The following ENG variants were observed in gnomAD, a reference collection of about 807,000 sequenced individuals.
The protein encoded by ENG is CD105 antigen.
In ENG, 17 loss-of-function variants were observed where a neutral mutation model predicts 71.0. That is an observed-to-expected ratio of 0.24 (90% confidence interval 0.16 to 0.36). ENG has a LOEUF of 0.36. ENG is among the 10% of genes least tolerant of loss of function. The probability of loss-of-function intolerance (pLI) is 1.00; values close to 1 mark genes in which losing one functional copy is unlikely to be tolerated. For synonymous variants in ENG, 360 were observed against 366.9 expected (o/e 0.98, Z 0.21); for missense variants, 749 against 868.3 (o/e 0.86, Z 1.73).
In ENG at chr9:127,816,028, C is replaced by T. The variant is rs1229836022; in HGVS notation, c.1767G>A (p.Leu589=). The change falls in exon 14 of 15, where the codon CTG becomes CTA. Residue 589 remains leucine (L), a synonymous_variant. Coordinates refer to ENST00000373203, the MANE Select transcript of ENG (RefSeq NM_001114753.3). ...CAAAGGTGATGCCCAGCACGGCGGG[C>T]AGGACGAGGCCTTTGCTTGTGCAAC... ...LSGCTSKGLV[L]PAVLGITFGA... is the part of the protein sequence containing the mutation. 1.9e-6 allele frequency: 3 copies of T among 1,610,496 alleles called. No individual in the cohort carries two copies. Among genetic ancestry groups the T allele is most frequent in the Non-Finnish European group, 2.5e-6 (3 of 1,179,112 alleles).
chr9:127,820,076 G>C (rs374381711), intron 8 of ENG, 39 bp from the exon 9 acceptor site: 5 of 1,605,630 alleles, frequency 3.1e-6, no homozygotes, highest in Non-Finnish European at 3.4e-6. Context: ...GAGGCACTGG[G>C]GTCTCTGTGG....
rs2131889233 is a variant in ENG at position 127,825,778 on chromosome 9, G to A, written c.606C>T (p.Ala202=). Reference sequence around the variant, plus strand: ...CTTCCAAGTGGCAGCCCCGGACCAAGGCTGGAGTACGCGGCCGCCACTCGA... The same window carrying A: ...CTTCCAAGTGGCAGCCCCGGACCAAAGCTGGAGTACGCGGCCGCCACTCGA... ...RTLEWRPRTP[A]LVRGCHLEGV... The change falls in exon 5 of 15, where the codon GCC becomes GCT. Residue 202 remains alanine (A), a synonymous_variant. Transcript: ENST00000373203. 1.9e-6 allele frequency: 3 copies of A among 1,597,874 alleles called. No individual in the cohort carries two copies. The highest frequency in any genetic ancestry group is 2.6e-6 in the Non-Finnish European group (3 of 1,173,734).
chr9:127,824,415 G>A lies in ENG; in HGVS notation c.1023C>T (p.Ile341=), dbSNP rs909339898. ...AAGTGTCCTTGGGAGGAGTGGTCTG[G>A]ATCGGTGCGGGTGAGGTCTGCAGCC... ...GGRLQTSPAP[I]QTTPPKDTCS... Residue 341 remains isoleucine, a synonymous_variant, in exon 8 of 15, where the codon ATC becomes ATT. Transcript: ENST00000373203. The A allele has an allele frequency of 1.2e-6, 2 of 1,613,992 alleles. No homozygotes were observed. The highest frequency in any genetic ancestry group is 1.7e-5 in the Admixed American group (1 of 59,994).
chr9:127,830,030 C>G (rs1406127052), intron 2 of ENG, among the ~76,000 whole-genome samples: 1 of 151,932 alleles, frequency 6.6e-6, no homozygotes, highest in Non-Finnish European at 1.5e-5. Flanking sequence ...GGAGGTAAGC[C>G]CGGCAAATCT....
Position 127,844,548 on chromosome 9 carries a change from G to A in ENG, c.68-1303C>T, listed in dbSNP as rs548852874. On this transcript the variant is annotated intron_variant, in intron 1 of 14. Transcript: ENST00000373203. ...AGGCTCAAGTGATCCTCCCACCTCG[G>A]CCTCCTGAGTAGCTGGAACTATAGG... is the stretch of plus-strand genomic sequence containing the variant. Among the ~76,000 whole-genome samples the A allele has an allele frequency of 3.9e-5, 6 of 152,070 alleles. No homozygotes were observed. In the South Asian group the frequency reaches 1.2e-3, roughly 32 times the overall value.
In ENG at chr9:127,821,903, A is replaced by G. The variant is rs1236222975; in HGVS notation, c.1135-1866T>C. Reference sequence around the variant, plus strand: ...CTTAAAAAAAAAAAAAAAAAAAAAAAGCCAGGCGTGGTGGTGCACGCCTGT... The same window carrying G: ...CTTAAAAAAAAAAAAAAAAAAAAAAGGCCAGGCGTGGTGGTGCACGCCTGT... On this transcript the variant is annotated intron_variant, in intron 8 of 14. Coordinates refer to ENST00000373203, the MANE Select transcript of ENG (RefSeq NM_001114753.3). 3.9e-5 allele frequency among the ~76,000 whole-genome samples: 4 copies of G among 102,758 alleles called. No individual in the cohort carries two copies. The Admixed American group carries it at 3.9e-4, about 10-fold the overall frequency. The allele number at this position is 102,758 out of a possible 152,430, so 67.4% of individuals were successfully genotyped here. A position where few individuals can be genotyped will look rare whatever the true frequency, so the allele number is the denominator to read the frequency against.
At chr9:127,822,934 G>A (rs917393843) in intron 8 of ENG, among the ~76,000 whole-genome samples, 6 of 152,072 alleles carry the variant, frequency 3.9e-5, no homozygotes, top group Non-Finnish European at 7.4e-5. Flanking sequence ...TCCCTCTACC[G>A]GGTTCAAGCG....
At chr9:127,845,012 C>T (rs905315907) in intron 1 of ENG, among the ~76,000 whole-genome samples, 4 of 152,176 alleles carry the variant, frequency 2.6e-5, no homozygotes, top group Non-Finnish European at 5.9e-5. Flanking sequence ...CCTGACCCAG[C>T]AGGGTCGGAA....
In ENG at chr9:127,846,096, G is replaced by A. The variant is rs1439482226; in HGVS notation, c.68-2851C>T. 6.6e-6 allele frequency among the ~76,000 whole-genome samples: 1 copy of A among 152,168 alleles called. No individual in the cohort carries two copies. The highest frequency in any genetic ancestry group is 6.5e-5 in the Admixed American group (1 of 15,270). ...AATTGACTGTTCTAAGGGGTGGGGT[G>A]AAGTGGCGGGATGGGGTGGCCTCCA... On this transcript the variant is annotated intron_variant, in intron 1 of 14. Coordinates refer to ENST00000373203, the MANE Select transcript of ENG (RefSeq NM_001114753.3). This position sits in a 1 kb window ranked among gnomAD's most constrained non-coding sequence, Gnocchi z 5.5.
At chr9:127,821,713 T>TA (rs34600598) in intron 8 of ENG, among the ~76,000 whole-genome samples, 3,086 of 145,728 alleles carry the variant, frequency 0.021, 87 homozygotes, top group African/African-American at 0.062. Flanking sequence ...CCGTCTCTGC[T>TA]AAAAAAAAAA....
intron 13 of ENG, 104 bp downstream of exon 13, chr9:127,817,045 C>G: frequency 7.4e-7 from 1 of 1,358,962 alleles, no homozygotes; most frequent in Non-Finnish European, 1.0e-6. Flanking sequence ...TGGGGTCCCC[C>G]TTGCCATGTG....
chr9:127,824,512 C>A, intron 7 of ENG, 66 bp from the exon 8 acceptor site: 3 of 684,878 alleles, frequency 4.4e-6, no homozygotes, highest in Non-Finnish European at 5.8e-6. Flanking sequence ...CCGCACCAGG[C>A]TTTTTTTTTT....
chr9:127,834,245 G>A (rs1564459497), intron 2 of ENG, among the ~76,000 whole-genome samples: 1 of 151,146 alleles, frequency 6.6e-6, no homozygotes, highest in Non-Finnish European at 1.5e-5. Flanking sequence ...GCTAATTTTT[G>A]TATATATATA....
In ENG at chr9:127,854,603, G is replaced by A. The variant is rs1173948072; in HGVS notation, c.-248C>T. ...CGGGGAGGGGGTGCTGGGCTCCAAT[G>A]GATGGCAGTGACAGCAGCAGTCCTG... On this transcript the variant is annotated 5_prime_UTR_variant, in exon 1 of 15. Transcript: ENST00000373203. 1.8e-6 allele frequency: 1 copy of A among 563,892 alleles called. No homozygotes were observed. Among genetic ancestry groups the A allele is most frequent in the East Asian group, 3.0e-5 (1 of 33,030 alleles). The allele number at this position is 563,892 out of a possible 1,614,324, so 34.9% of individuals were successfully genotyped here. A position where few individuals can be genotyped will look rare whatever the true frequency, so the allele number is the denominator to read the frequency against.
rs1282461075 is a variant in ENG, at chr9:127,815,056, G to T, written c.*626C>A. 6 of 153,206 alleles carry T rather than the reference G, an allele frequency of 3.9e-5. No individual in the cohort carries two copies. In the East Asian group the frequency reaches 1.2e-3, roughly 29 times the overall value. 9.5% of individuals were successfully genotyped at this position (153,206 alleles called of 1,614,324 possible). A position where few individuals can be genotyped will look rare whatever the true frequency, so the allele number is the denominator to read the frequency against. ...ATTTATTGGTGGTGAATACACAGGG[G>T]CAGGCCCAGGACAAGCAGCTTGGCT... On this transcript the variant is annotated 3_prime_UTR_variant, in exon 15 of 15. Coordinates refer to ENST00000373203, the MANE Select transcript of ENG (RefSeq NM_001114753.3).
Position 127,818,390 on chromosome 9 carries a change from G to GGCA in ENG, c.1429-14_1429-13insTGC. The GGCA allele has an allele frequency of 1.2e-6, 2 of 1,612,650 alleles. No homozygotes were observed. The highest frequency in any genetic ancestry group is 1.7e-6 in the Non-Finnish European group (2 of 1,179,976). On this transcript the variant is annotated splice_polypyrimidine_tract_variant and intron_variant, in intron 11 of 14. Coordinates refer to ENST00000373203, the MANE Select transcript of ENG (RefSeq NM_001114753.3). ...GGGACACTCTGACCTGCATGGGTAG[G>GGCA]TAGGGCCACGCGGCATGGGCAGCTG...
At chr9:127,818,938 CTCTTT>C in intron 10 of ENG, 106 bp from the exon 11 acceptor site, 1 of 880,986 alleles carries the variant, frequency 1.1e-6, no homozygotes, top group Non-Finnish European at 1.8e-6. Flanking sequence ...TTGCCTGACT[CTCTTT>C]TTTTTTTTTT....
intron 2 of ENG, among the ~76,000 whole-genome samples, chr9:127,833,390 G>A (rs371950966): frequency 2.6e-4 from 39 of 151,908 alleles, no homozygotes; most frequent in African/African-American, 8.0e-4. Flanking sequence ...GTGTGGTGGC[G>A]CATGCCTGTA....
At chr9:127,835,421 T>C (rs1361130757) in intron 2 of ENG, among the ~76,000 whole-genome samples, 2 of 152,116 alleles carry the variant, frequency 1.3e-5, no homozygotes, top group Non-Finnish European at 2.9e-5. Context: ...TCCATTGCTG[T>C]GCGGCCCCAT....
Sources: allele counts gnomAD v4.1 joint callset (sites outside exome capture counted in the v4.1 genomes callset), GRCh38; gene constraint gnomAD v4.1.1; non-coding constraint Gnocchi (gnomAD v3.1); transcripts MANE v1.5; gene names NCBI Gene and HGNC (gene_info 2026-07-23, HGNC 2026-07-21).